STYXL1: variants seen among roughly 807,000 people sequenced by gnomAD.
The protein encoded by STYXL1 is serine/threonine/tyrosine interacting like 1.
A neutral mutation model predicts 36.4 loss-of-function variants in STYXL1; 32 were observed. The ratio of observed to expected loss-of-function variants is 0.88; its 90% CI spans 0.66 to 1.18. The LOEUF (loss-of-function observed/expected upper bound fraction) is 1.18, where lower values mean the gene tolerates loss of function less well. Ranked by LOEUF, STYXL1 falls within the 50% of genes most tolerant of loss-of-function variation. The pLI, the probability that STYXL1 is intolerant of heterozygous loss-of-function variation, is 0.00. For synonymous variants in STYXL1, 133 were observed against 144.1 expected (o/e 0.92, Z 0.55); for missense variants, 354 against 394.1 (o/e 0.90, Z 0.86).
chr7:76,028,222 T>TG (rs1485144537), intron 3 of STYXL1, among the ~76,000 whole-genome samples: 8 of 152,000 alleles, frequency 5.3e-5, no homozygotes, highest in African/African-American at 1.9e-4. Context: ...TTAATAGAGA[T>TG]GGGGTTTCAC....
chr7:76,019,115 A>G (rs1327754026), intron 4 of STYXL1, among the ~76,000 whole-genome samples: 4 of 152,192 alleles, frequency 2.6e-5, no homozygotes, highest in Non-Finnish European at 5.9e-5. Context: ...CATGTAAATT[A>G]GATATATGTG....
intron 8 of STYXL1, among the ~76,000 whole-genome samples, chr7:75,999,515 G>A (rs200056415): frequency 6.1e-4 from 57 of 93,266 alleles, no homozygotes; most frequent in Admixed American, 2.4e-3. Flanking sequence ...GTGTGTATGT[G>A]TGTGTGTGTG....
At chr7:76,032,190 C>T (rs993794213) in intron 1 of STYXL1, among the ~76,000 whole-genome samples, 4 of 149,902 alleles carry the variant, frequency 2.7e-5, no homozygotes, top group African/African-American at 7.4e-5. Flanking sequence ...GCTGGGGGTT[C>T]AAGACCAGCC....
chr7:76,030,200 T>G (rs1040788599), intron 2 of STYXL1, among the ~76,000 whole-genome samples: 1 of 152,162 alleles, frequency 6.6e-6, no homozygotes, highest in Non-Finnish European at 1.5e-5. Flanking sequence ...GGTTTTGCCC[T>G]GTTGGCCTGG....
At chr7:75,999,491 TTG>T (rs1554565568) in intron 8 of STYXL1, among the ~76,000 whole-genome samples, 1 of 111,242 alleles carries the variant, frequency 9.0e-6, no homozygotes, top group African/African-American at 3.8e-5. Flanking sequence ...AATTTTTTTG[TTG>T]TGTGTGTGTG....
rs116155845 is a variant in STYXL1, at chr7:76,016,875, C to T, written c.308-2988G>A. Among the ~76,000 whole-genome samples, 488 of 152,234 alleles carry T rather than the reference C, an allele frequency of 3.2e-3. 7 individuals carry two copies. The highest frequency in any genetic ancestry group is 0.011 in the African/African-American group (463 of 41,524). Reference sequence around the variant, plus strand: ...GAACTACCATTCAACCCAGCAATCCCATTACTATGTACACATCCAAAAGAA... The same window carrying T: ...GAACTACCATTCAACCCAGCAATCCTATTACTATGTACACATCCAAAAGAA... On this transcript the variant is annotated intron_variant, in intron 4 of 8. Transcript: ENST00000359697.
intron 4 of STYXL1, among the ~76,000 whole-genome samples, chr7:76,021,080 A>ATTT (rs200072611): frequency 2.8e-5 from 4 of 144,900 alleles, no homozygotes; most frequent in Non-Finnish European, 1.5e-5. Context: ...TGTTACAAGA[A>ATTT]TTTTTTTTTT....
intron 1 of STYXL1, among the ~76,000 whole-genome samples, chr7:76,032,227 TAA>T (rs374647212): frequency 7.9e-5 from 11 of 139,900 alleles, no homozygotes; most frequent in Admixed American, 1.4e-4. Context: ...ACCCCATCTC[TAA>T]AAAAAAAAAA....
chr7:76,043,250 T>G (rs1432903457), intron 1 of STYXL1, among the ~76,000 whole-genome samples: 1 of 152,112 alleles, frequency 6.6e-6, no homozygotes, highest in East Asian at 1.9e-4. Flanking sequence ...CAAGCAATTC[T>G]CCTGTCTCAG....
chr7:76,038,812 C>T lies in STYXL1; in HGVS notation c.-4-8285G>A, dbSNP rs556391305. ...TTTTGCTGTTTTCTCTTAGAGACAG[C>T]GTCTCACTCTGTTGCCCAGGCTGGA... On this transcript the variant is annotated intron_variant, in intron 1 of 8. Transcript: ENST00000359697. Among the ~76,000 whole-genome samples the T allele has an allele frequency of 4.1e-5, 6 of 145,904 alleles. 1 individual carries two copies. The highest frequency in any genetic ancestry group is 2.1e-4 in the South Asian group (1 of 4,692).
Position 76,003,800 on chromosome 7 carries a change from C to T in STYXL1, c.655G>A (p.Ala219Thr). The change falls in exon 7 of 9, where the codon GCC becomes ACC. Residue 219 changes from alanine to threonine, a missense_variant. By Grantham distance (58) the Ala-to-Thr change is moderately conservative. Coordinates refer to ENST00000359697, the MANE Select transcript of STYXL1 (RefSeq NM_001317785.2). ...LHIRIEDSPEAQILPFLRHMC... is the reference protein window; with the variant it reads ...LHIRIEDSPETQILPFLRHMC... ...TGGCGTAAGAAGGGAAGAATCTGGG[C>T]TTCCGGGGAATCTTCTATCCGGATG... The T allele has an allele frequency of 6.2e-7, 1 of 1,614,224 alleles. No individual in the cohort carries two copies. Among genetic ancestry groups the T allele is most frequent in the Non-Finnish European group, 8.5e-7 (1 of 1,180,046 alleles).
chr7:76,019,751 C>T (rs1208216261), intron 4 of STYXL1, among the ~76,000 whole-genome samples: 3 of 151,938 alleles, frequency 2.0e-5, no homozygotes, highest in Non-Finnish European at 4.4e-5. Context: ...AGAGAATCTG[C>T]AGCTCTCAAG....
chr7:76,032,865 C>T (rs781792234), intron 1 of STYXL1, among the ~76,000 whole-genome samples: 107 of 152,070 alleles, frequency 7.0e-4, no homozygotes, highest in African/African-American at 1.4e-3. Context: ...GGAGAGAGGA[C>T]GAAACAAAGG....
chr7:76,019,827 C>A (rs1793834707), intron 4 of STYXL1, among the ~76,000 whole-genome samples: 1 of 150,998 alleles, frequency 6.6e-6, no homozygotes, highest in Non-Finnish European at 1.5e-5. Flanking sequence ...GGCATGGTGG[C>A]TCATGCCTGT....
At chr7:76,017,734 A>C (rs1793550141) in intron 4 of STYXL1, among the ~76,000 whole-genome samples, 1 of 151,620 alleles carries the variant, frequency 6.6e-6, no homozygotes, top group Non-Finnish European at 1.5e-5. Context: ...GAAAATACAA[A>C]AAAATAGCCG....
rs1554573030 is a variant in STYXL1 at position 76,013,822 on chromosome 7, A to G, written c.373T>C (p.Tyr125His). The part of the protein sequence containing the change: ...ILTRLTHHPV[Y>H]ILKGGYERFS... ...CGCTCATAGCCCCCTTTCAGGATGT[A>G]GACGGGGTGGTGGGTGAGGCGGGTC... The change falls in exon 5 of 9, where the codon TAC (tyrosine) becomes CAC (histidine). Residue 125 changes from tyrosine (Y) to histidine (H), a missense_variant. By Grantham distance (83) the Tyr-to-His change is moderately conservative. Coordinates refer to ENST00000359697, the MANE Select transcript of STYXL1 (RefSeq NM_001317785.2). 8 of 1,613,996 alleles carry G rather than the reference A, an allele frequency of 5.0e-6. No individual in the cohort carries two copies. Among genetic ancestry groups the G allele is most frequent in the Non-Finnish European group, 6.8e-6 (8 of 1,179,982 alleles).
At chr7:76,006,486 G>A (rs1203349405) in intron 5 of STYXL1, among the ~76,000 whole-genome samples, 7 of 152,092 alleles carry the variant, frequency 4.6e-5, no homozygotes, top group African/African-American at 1.2e-4. Flanking sequence ...TTCGTTTGCC[G>A]GGCGCAGTGG....
At chr7:76,003,695 T>C in intron 7 of STYXL1, 63 bp downstream of exon 7, 2 of 1,450,468 alleles carry the variant, frequency 1.4e-6, no homozygotes, top group Non-Finnish European at 1.9e-6. Context: ...TGAAGGAGGC[T>C]CCACTGCCCC....
At chr7:76,023,043 G>A (rs1554576662) in intron 3 of STYXL1, among the ~76,000 whole-genome samples, 1 of 152,142 alleles carries the variant, frequency 6.6e-6, no homozygotes, top group East Asian at 1.9e-4. Context: ...GGGACTTACT[G>A]GCAGGTAACA....
Sources: gnomAD v4.1 joint callset for allele counts (sites outside exome capture counted in the v4.1 genomes callset) on GRCh38, gnomAD v4.1.1 for gene constraint, MANE v1.5 for transcripts, NCBI Gene and HGNC (gene_info 2026-07-23, HGNC 2026-07-21) for gene names.